Variants in NARS2 observed in about 807,000 individuals in gnomAD.
The protein encoded by NARS2 is asparaginyl-tRNA synthetase 2, mitochondrial.
In NARS2, 60 loss-of-function variants were observed where a neutral mutation model predicts 62.9. The ratio of observed to expected loss-of-function variants is 0.95; its 90% CI spans 0.77 to 1.18. The LOEUF is 1.18. Among genes scored for constraint, NARS2 ranks in the 50% most tolerant of loss-of-function variants. NARS2 has a pLI of 0.00. For synonymous variants in NARS2, 196 were observed against 200.0 expected (o/e 0.98, Z 0.17); for missense variants, 619 against 576.4 (o/e 1.07, Z -0.76).
intron 3 of NARS2, among the ~76,000 whole-genome samples, chr11:78,568,079 G>A (rs1490530657): frequency 6.6e-5 from 10 of 152,088 alleles, no homozygotes; most frequent in East Asian, 5.8e-4. Flanking sequence ...GCCTCTATTC[G>A]GCCTAAGCCT....
At chr11:78,498,782 T>C (rs1460028516) in intron 6 of NARS2, among the ~76,000 whole-genome samples, 1 of 151,424 alleles carries the variant, frequency 6.6e-6, no homozygotes, top group Non-Finnish European at 1.5e-5. Context: ...TTTACATCAA[T>C]CGATGTGATT....
At chr11:78,563,829 CAAA>C (rs1167838676) in intron 4 of NARS2, among the ~76,000 whole-genome samples, 2 of 14,112 alleles carry the variant, frequency 1.4e-4, no homozygotes, top group African/African-American at 5.3e-4. Context: ...AACTCTGTAT[CAAA>C]AAAAAAAAAA....
intron 6 of NARS2, among the ~76,000 whole-genome samples, chr11:78,520,988 G>A (rs1405362137): frequency 1.3e-5 from 2 of 150,516 alleles, no homozygotes; most frequent in South Asian, 2.1e-4. Context: ...AACCCGAGAC[G>A]CAGGGGTTGC....
intron 11 of NARS2, among the ~76,000 whole-genome samples, chr11:78,453,519 C>G (rs1031752802): frequency 6.6e-6 from 1 of 152,074 alleles, no homozygotes; most frequent in Admixed American, 6.6e-5. Context: ...CACGCTAAAG[C>G]TGAAAGAGGG....
rs757678964 is a variant in NARS2 at position 78,571,409 on chromosome 11, G to C, written c.177C>G (p.Val59=). 1 of 1,613,430 alleles carries C rather than the reference G, an allele frequency of 6.2e-7. No homozygotes were observed. Among genetic ancestry groups the C allele is most frequent in the Non-Finnish European group, 8.5e-7 (1 of 1,179,848 alleles). ...WIRSVRSQKE[V]LFLHVNDGSS... ...ACCCATCATTTACATGCAGGAACAA[G>C]ACTTCCTTCTGGGATCGGACAGAAC... is the stretch of plus-strand genomic sequence containing the variant. The change falls in exon 2 of 14, where the codon GTC becomes GTG. Residue 59 remains valine (V), a synonymous_variant. Coordinates refer to ENST00000281038, the MANE Select transcript of NARS2 (RefSeq NM_024678.6).
intron 5 of NARS2, 75 bp downstream of exon 5, chr11:78,559,464 A>T (rs1856483054): frequency 1.0e-6 from 1 of 973,636 alleles, no homozygotes; most frequent in African/African-American, 1.6e-5. Context: ...CCACAAAACT[A>T]TTATTAAATT....
At chr11:78,537,808 G>GTACA (rs904358663) in intron 5 of NARS2, among the ~76,000 whole-genome samples, 42 of 152,192 alleles carry the variant, frequency 2.8e-4, no homozygotes, top group East Asian at 5.8e-4. Context: ...TAATACGTAC[G>GTACA]TACATACATA....
At chr11:78,570,605 A>C (rs901353457) in intron 2 of NARS2, among the ~76,000 whole-genome samples, 7 of 152,174 alleles carry the variant, frequency 4.6e-5, no homozygotes, top group African/African-American at 1.7e-4. Context: ...GACTGGTCTT[A>C]ACTTGACTCA....
intron 5 of NARS2, among the ~76,000 whole-genome samples, chr11:78,550,346 G>A (rs1856052978): frequency 6.6e-6 from 1 of 152,108 alleles, no homozygotes; most frequent in Non-Finnish European, 1.5e-5. Flanking sequence ...TAACTTTAAA[G>A]TGACCAATAC....
At chr11:78,552,216 G>A (rs185690126) in intron 5 of NARS2, among the ~76,000 whole-genome samples, 1 of 152,204 alleles carries the variant, frequency 6.6e-6, no homozygotes, top group African/African-American at 2.4e-5. Context: ...TTATCATTTA[G>A]CTCCCACTTA....
At chr11:78,469,529 T>A (rs1858777285) in intron 9 of NARS2, among the ~76,000 whole-genome samples, 1 of 152,212 alleles carries the variant, frequency 6.6e-6, no homozygotes, top group Non-Finnish European at 1.5e-5. Flanking sequence ...ATATACACAG[T>A]GAAGCTAGTC....
At chr11:78,463,270 G>A (rs1396996379) in intron 11 of NARS2, among the ~76,000 whole-genome samples, 1 of 152,160 alleles carries the variant, frequency 6.6e-6, no homozygotes, top group African/African-American at 2.4e-5. Context: ...ATGTTCAACA[G>A]GCTGGTCTTG....
At chr11:78,451,300 A>C (rs144509835) in intron 11 of NARS2, among the ~76,000 whole-genome samples, 1 of 152,230 alleles carries the variant, frequency 6.6e-6, no homozygotes, top group Non-Finnish European at 1.5e-5. Context: ...TCCAGGTAGA[A>C]TTCTTCTACC....
At chr11:78,474,322 T>C (rs1467851123) in intron 9 of NARS2, among the ~76,000 whole-genome samples, 2 of 152,206 alleles carry the variant, frequency 1.3e-5, no homozygotes, top group African/African-American at 4.8e-5. Context: ...CATATAAATA[T>C]TTAACTGTTC....
chr11:78,475,537 G>C (rs1489284810), intron 9 of NARS2, among the ~76,000 whole-genome samples: 1 of 148,604 alleles, frequency 6.7e-6, no homozygotes, highest in African/African-American at 2.5e-5. Flanking sequence ...TTATAAAAGG[G>C]TTCCCAAGCG....
intron 10 of NARS2, among the ~76,000 whole-genome samples, chr11:78,467,232 G>A (rs192494655): frequency 6.6e-6 from 1 of 152,226 alleles, no homozygotes; most frequent in Admixed American, 6.5e-5. Flanking sequence ...GGTCTCTCTG[G>A]ACCTATATCA....
intron 5 of NARS2, among the ~76,000 whole-genome samples, chr11:78,551,063 G>A (rs1256578706): frequency 1.3e-5 from 2 of 152,198 alleles, no homozygotes; most frequent in African/African-American, 4.8e-5. Flanking sequence ...AGAGCTAAGG[G>A]TGGGAATGGC....
intron 6 of NARS2, among the ~76,000 whole-genome samples, chr11:78,494,892 T>A (rs1859991570): frequency 1.3e-5 from 2 of 152,182 alleles, no homozygotes; most frequent in Admixed American, 1.3e-4. Flanking sequence ...ATCCACCAAC[T>A]CAACCAAGAC....
chr11:78,572,122 C>CA (rs1856949879), intron 1 of NARS2, among the ~76,000 whole-genome samples: 1 of 152,094 alleles, frequency 6.6e-6, no homozygotes, highest in South Asian at 2.1e-4. Context: ...GCGGAGGTTG[C>CA]AGTGAGCCAA....
Sources: allele counts gnomAD v4.1 joint callset (sites outside exome capture counted in the v4.1 genomes callset), GRCh38; gene constraint gnomAD v4.1.1; transcripts MANE v1.5; gene names NCBI Gene and HGNC (gene_info 2026-07-23, HGNC 2026-07-21).